Variants in NPAS3 observed in about 807,000 individuals in gnomAD.
The protein encoded by NPAS3 is neuronal PAS domain protein 3, also known as neuronal PAS domain-containing protein 3.
A neutral mutation model predicts 73.1 loss-of-function variants in NPAS3; 14 were observed. The ratio of observed to expected loss-of-function variants is 0.19; its 90% confidence interval spans 0.13 to 0.30. The LOEUF (loss-of-function observed/expected upper bound fraction) is 0.30. Among genes scored for constraint, NPAS3 ranks in the 10% least tolerant of loss-of-function variants. The pLI is 1.00. For missense variants in NPAS3, 1,096 were observed against 1,250.0 expected (o/e 0.88, Z 1.86); for synonymous variants, 620 against 541.5 (o/e 1.14, Z -2.01).
At chr14:33,318,973 T>G (rs2043322827) in intron 3 of NPAS3, among the ~76,000 whole-genome samples, 1 of 152,154 alleles carries the variant, frequency 6.6e-6, no homozygotes. Context: ...AATACGTCTC[T>G]TCAGTTAACA....
At chr14:33,599,680 A>G (rs560054046) in intron 5 of NPAS3, among the ~76,000 whole-genome samples, 1 of 152,352 alleles carries the variant, frequency 6.6e-6, no homozygotes, top group East Asian at 1.9e-4. Flanking sequence ...GTCAATAAGC[A>G]TTTAATTCTG....
intron 1 of NPAS3, among the ~76,000 whole-genome samples, chr14:33,015,997 T>A (rs2139675772): frequency 6.6e-6 from 1 of 152,304 alleles, no homozygotes; most frequent in Non-Finnish European, 1.5e-5. Flanking sequence ...AATGTTTTAA[T>A]TGTTGGGATT....
At chr14:33,146,039 G>A (rs1297241410) in intron 2 of NPAS3, among the ~76,000 whole-genome samples, 1 of 152,162 alleles carries the variant, frequency 6.6e-6, no homozygotes, top group African/African-American at 2.4e-5. Context: ...ACAATTTCAT[G>A]TAGAAGCTGC....
At chr14:33,501,050 G>A (rs1010608578) in intron 4 of NPAS3, among the ~76,000 whole-genome samples, 1 of 151,982 alleles carries the variant, frequency 6.6e-6, no homozygotes, top group Non-Finnish European at 1.5e-5. Context: ...TACATCAAGA[G>A]AAATTATTTT....
chr14:33,320,179 T>A (rs1027363419), intron 3 of NPAS3, among the ~76,000 whole-genome samples: 2 of 152,120 alleles, frequency 1.3e-5, no homozygotes, highest in Non-Finnish European at 2.9e-5. Context: ...GAACACTATG[T>A]GCTTAGGTAA....
intron 3 of NPAS3, among the ~76,000 whole-genome samples, chr14:33,338,893 G>T (rs546027667): frequency 2.8e-4 from 43 of 152,012 alleles, no homozygotes; most frequent in Non-Finnish European, 4.3e-4. Flanking sequence ...TTTGCATTAG[G>T]CTTTCTGAAA....
At chr14:33,381,634 G>C (rs1368142370) in intron 4 of NPAS3, among the ~76,000 whole-genome samples, 1 of 152,170 alleles carries the variant, frequency 6.6e-6, no homozygotes, top group African/African-American at 2.4e-5. Context: ...CCCTGAGGTG[G>C]AAGTGAGAGA....
At chr14:33,516,705 A>G (rs1018676924) in intron 4 of NPAS3, among the ~76,000 whole-genome samples, 1 of 152,094 alleles carries the variant, frequency 6.6e-6, no homozygotes, top group African/African-American at 2.4e-5. Context: ...CTTTAAGTGG[A>G]TCTTAGGACC....
chr14:33,612,650 A>G (rs111718488), intron 5 of NPAS3: 200 of 363,126 alleles, frequency 5.5e-4, no homozygotes, highest in African/African-American at 3.8e-3. Flanking sequence ...AAAGTGTGGT[A>G]TTTTAAAGAT....
intron 5 of NPAS3, among the ~76,000 whole-genome samples, chr14:33,647,296 A>G (rs532199197): frequency 6.7e-6 from 1 of 150,344 alleles, no homozygotes; most frequent in Middle Eastern, 3.5e-3. Flanking sequence ...CTCTCTATAT[A>G]TATATATATA....
intron 2 of NPAS3, among the ~76,000 whole-genome samples, chr14:33,168,466 C>A (rs8006318): frequency 1.3e-5 from 2 of 152,248 alleles, no homozygotes; most frequent in East Asian, 3.9e-4. Context: ...AAGACAGGGG[C>A]CTGTCTGAGG....
intron 3 of NPAS3, among the ~76,000 whole-genome samples, chr14:33,311,448 C>G (rs1389948544): frequency 4.6e-5 from 7 of 152,074 alleles, no homozygotes; most frequent in Admixed American, 6.6e-5. Context: ...ACTTATATAT[C>G]CTACAACTTC....
At chr14:33,510,587 G>A (rs1354015555) in intron 4 of NPAS3, among the ~76,000 whole-genome samples, 1 of 151,652 alleles carries the variant, frequency 6.6e-6, no homozygotes, top group East Asian at 1.9e-4. Flanking sequence ...CATGGGTAAG[G>A]TGTTAATAAT....
At chr14:33,246,341 C>A (rs1276666434) in intron 3 of NPAS3, among the ~76,000 whole-genome samples, 1 of 151,748 alleles carries the variant, frequency 6.6e-6, no homozygotes, top group African/African-American at 2.4e-5. Flanking sequence ...AGATCCAGAC[C>A]ATCCTGGCTA....
At chr14:33,717,605 A>G (rs147629396) in intron 6 of NPAS3, among the ~76,000 whole-genome samples, 32 of 152,262 alleles carry the variant, frequency 2.1e-4, no homozygotes, top group East Asian at 1.5e-3. Context: ...TTGCATTCTC[A>G]TATATTTCTT....
chr14:33,070,675 G>A (rs1371193937), intron 2 of NPAS3, among the ~76,000 whole-genome samples: 1 of 152,204 alleles, frequency 6.6e-6, no homozygotes, highest in East Asian at 1.9e-4. Flanking sequence ...AGAGCACCAA[G>A]CTGCTGGTTT....
rs764597677 is a variant in NPAS3 at position 33,731,897 on chromosome 14, T to C, written c.734-3317T>C. Among the ~76,000 whole-genome samples, 3 of 152,020 alleles carry C rather than the reference T, an allele frequency of 2.0e-5. No homozygotes were observed. In the South Asian group the frequency reaches 6.2e-4, roughly 32 times the overall value. ...TTTAGTTGTGTAGGTCTTGTTCTTT[T>C]TTTCAGCTCCTAGTTTATAATTCAT... On this transcript the variant is annotated intron_variant, in intron 6 of 11. Transcript: ENST00000356141.
intron 6 of NPAS3, among the ~76,000 whole-genome samples, chr14:33,728,791 C>T (rs764042818): frequency 3.5e-4 from 54 of 152,154 alleles, no homozygotes; most frequent in Non-Finnish European, 6.3e-4. Flanking sequence ...CCTTTAACTA[C>T]CAAACCCACT....
chr14:33,255,064 G>A (rs1448092684), intron 3 of NPAS3, among the ~76,000 whole-genome samples: 2 of 152,066 alleles, frequency 1.3e-5, no homozygotes, highest in Admixed American at 6.6e-5. Context: ...TTGGAAACAG[G>A]CCAAAAGCTT....
Sources: allele counts gnomAD v4.1 joint callset (sites outside exome capture counted in the v4.1 genomes callset), GRCh38; gene constraint gnomAD v4.1.1; transcripts MANE v1.5; gene names NCBI Gene and HGNC (gene_info 2026-07-23, HGNC 2026-07-21).